Variants in PRUNE2 observed in about 807,000 individuals in gnomAD.
PRUNE2 encodes protein prune homolog 2.
PRUNE2 carries 164 observed loss-of-function variants against 252.0 expected under a neutral mutation model. That is an observed-to-expected ratio of 0.65 (90% CI 0.57 to 0.74). The LOEUF (loss-of-function observed/expected upper bound fraction) is 0.74. Ranked by LOEUF, PRUNE2 falls within the 30% of genes least tolerant of loss-of-function variation. The pLI, the probability that PRUNE2 is intolerant of heterozygous loss-of-function variation, is 0.00. For synonymous variants in PRUNE2, 1,292 were observed against 1,350.2 expected, an observed-to-expected ratio of 0.96 and a Z score of 0.94; for missense variants, 3,495 against 3,711.0, an observed-to-expected ratio of 0.94 and a Z score of 1.51.
chr9:76,754,308 G>A (rs140877034), intron 6 of PRUNE2, among the ~76,000 whole-genome samples: 1 of 152,248 alleles, frequency 6.6e-6, no homozygotes, highest in African/African-American at 2.4e-5. Context: ...ATCTATCTCT[G>A]CTGTGTTAGG....
Position 76,708,074 on chromosome 9 carries a change from A to T in PRUNE2, c.4200T>A (p.Val1400=). ...TGTAAGACCCCTCCTCATACTCTAA[A>T]ACTTCCTCTGGTTCCTCGGTTTGAG... ...FSPQTEEPEE[V]LEYEEGSYNL... Residue 1400 remains valine (V), a synonymous_variant, in exon 8 of 19, where the codon GTT becomes GTA. Coordinates refer to ENST00000376718, the MANE Select transcript of PRUNE2 (RefSeq NM_015225.3). 1 of 1,613,896 alleles carries T rather than the reference A, an allele frequency of 6.2e-7. No individual in the cohort carries two copies. The highest frequency in any genetic ancestry group is 8.5e-7 in the Non-Finnish European group (1 of 1,179,882).
intron 4 of PRUNE2, among the ~76,000 whole-genome samples, chr9:76,835,620 A>G (rs2058917754): frequency 6.6e-6 from 1 of 152,012 alleles, no homozygotes; most frequent in South Asian, 2.1e-4. Context: ...TCTTCCCCCT[A>G]CCCCTAGTAT....
intron 1 of PRUNE2, among the ~76,000 whole-genome samples, chr9:76,892,691 GAAGA>G (rs2062557176): frequency 6.6e-6 from 1 of 152,200 alleles, no homozygotes; most frequent in Non-Finnish European, 1.5e-5. Context: ...TGTGCACAAG[GAAGA>G]AAGACTGAGA....
At position 76,670,341 on chromosome 9, in the gene PRUNE2, A is replaced by T. The variant is rs568139; in HGVS notation, c.8277-14839T>A. Among the ~76,000 whole-genome samples, 12 of 151,310 alleles carry T rather than the reference A, an allele frequency of 7.9e-5. 1 individual carries two copies. The highest frequency in any genetic ancestry group is 2.7e-4 in the African/African-American group (11 of 41,256). ...TCCCACCCAAATACTGCGCTTTTCC[A>T]AAGGGCTTAAAAAACGGCACACCAC... On this transcript the variant is annotated intron_variant, in intron 9 of 18. Coordinates refer to ENST00000376718, the MANE Select transcript of PRUNE2 (RefSeq NM_015225.3).
intron 6 of PRUNE2, among the ~76,000 whole-genome samples, chr9:76,768,961 A>AAG (rs2052774208): frequency 6.6e-6 from 1 of 152,226 alleles, no homozygotes; most frequent in African/African-American, 2.4e-5. Flanking sequence ...AAGTCAAACA[A>AAG]AGATATATAA....
intron 6 of PRUNE2, among the ~76,000 whole-genome samples, chr9:76,806,540 C>T (rs1349377700): frequency 6.7e-6 from 1 of 148,274 alleles, no homozygotes; most frequent in African/African-American, 2.5e-5. Flanking sequence ...CGGAGTTTCG[C>T]CCTGTCGCCC....
At position 76,715,815 on chromosome 9, in the gene PRUNE2, T is replaced by C. The variant is rs140282701; in HGVS notation, c.757-2094A>G. Among the ~76,000 whole-genome samples, 575 of 152,296 alleles carry C rather than the reference T, an allele frequency of 3.8e-3. 6 individuals are homozygous for C. The highest frequency in any genetic ancestry group is 0.013 in the African/African-American group (557 of 41,580). On this transcript the variant is annotated intron_variant, in intron 6 of 18. Coordinates refer to ENST00000376718, the MANE Select transcript of PRUNE2 (RefSeq NM_015225.3). The stretch of plus-strand genomic sequence containing the variant: ...CAGATAAAATTATTTCAAACCATCA[T>C]TGAGGGTGAATCAAGAACCTCATTG...
At chr9:76,681,201 T>G (rs1182839291) in intron 9 of PRUNE2, among the ~76,000 whole-genome samples, 3 of 151,946 alleles carry the variant, frequency 2.0e-5, no homozygotes, top group African/African-American at 7.3e-5. Flanking sequence ...AAAAAACCAT[T>G]ACTGTATGAT....
rs944715989 is a variant in PRUNE2, at chr9:76,709,181, G to A, written c.3093C>T (p.Asp1031=). 1.9e-6 allele frequency: 3 copies of A among 1,613,908 alleles called. No individual in the cohort carries two copies. Among genetic ancestry groups the A allele is most frequent in the South Asian group, 1.1e-5 (1 of 91,070 alleles). ...NRISSGPGNL[D]MWASPHTDNS... ...TATCTGTATGAGGTGAAGCCCACAT[G>A]TCTAGGTTCCCAGGACCTGAACTGA... is the stretch of plus-strand genomic sequence containing the variant. Residue 1031 remains aspartate, a synonymous_variant, in exon 8 of 19, where the codon GAC becomes GAT. Coordinates refer to ENST00000376718, the MANE Select transcript of PRUNE2 (RefSeq NM_015225.3).
At chr9:76,774,528 G>A (rs138089862) in intron 6 of PRUNE2, among the ~76,000 whole-genome samples, 2,895 of 141,734 alleles carry the variant, frequency 0.02, 50 homozygotes, top group Middle Eastern at 0.032. Context: ...GCACGATCTC[G>A]GCTCACTGCA....
chr9:76,871,115 G>A (rs1011720140), intron 1 of PRUNE2, among the ~76,000 whole-genome samples: 1 of 152,176 alleles, frequency 6.6e-6, no homozygotes, highest in Non-Finnish European at 1.5e-5. Flanking sequence ...GATCACCAAA[G>A]CCTGTGCATT....
At chr9:76,798,935 T>C (rs2056329766) in intron 6 of PRUNE2, among the ~76,000 whole-genome samples, 1 of 152,236 alleles carries the variant, frequency 6.6e-6, no homozygotes, top group Non-Finnish European at 1.5e-5. Context: ...CACAAGTTAC[T>C]GCCCTGCCTA....
intron 13 of PRUNE2, among the ~76,000 whole-genome samples, 188 bp downstream of exon 13, chr9:76,637,998 T>C (rs573277093): frequency 1.3e-5 from 2 of 152,348 alleles, no homozygotes; most frequent in South Asian, 4.1e-4. Context: ...CAGTCTAGTC[T>C]ACCCACAAAA....
chr9:76,644,937 C>T (rs1256334799), intron 11 of PRUNE2, 28 bp from the exon 12 acceptor site: 2 of 1,602,350 alleles, frequency 1.2e-6, no homozygotes, highest in Non-Finnish European at 1.7e-6. Flanking sequence ...CAGAGCAAGG[C>T]TGAAGGAGCA....
At chr9:76,813,902 C>T (rs1042122332) in intron 6 of PRUNE2, among the ~76,000 whole-genome samples, 2 of 152,132 alleles carry the variant, frequency 1.3e-5, no homozygotes, top group Non-Finnish European at 2.9e-5. Context: ...CAGCAACCTC[C>T]GTCTCCTGGG....
intron 1 of PRUNE2, among the ~76,000 whole-genome samples, chr9:76,900,275 C>T (rs1026733677): frequency 7.2e-5 from 11 of 152,182 alleles, no homozygotes; most frequent in African/African-American, 2.4e-4. Flanking sequence ...GTAGGCATCA[C>T]TTATTCCATT....
chr9:76,743,693 T>C (rs2049856079), intron 6 of PRUNE2, among the ~76,000 whole-genome samples: 1 of 152,236 alleles, frequency 6.6e-6, no homozygotes. Context: ...TCCAGAATAA[T>C]GTGTATACTA....
At chr9:76,836,548 T>C (rs941286553) in intron 4 of PRUNE2, among the ~76,000 whole-genome samples, 4 of 152,046 alleles carry the variant, frequency 2.6e-5, no homozygotes, top group Admixed American at 1.3e-4. Flanking sequence ...TATGAGCACG[T>C]TCCCTTCTTA....
At chr9:76,741,536 A>G (rs561244933) in intron 6 of PRUNE2, among the ~76,000 whole-genome samples, 92 of 152,350 alleles carry the variant, frequency 6.0e-4, no homozygotes, top group African/African-American at 2.1e-3. Flanking sequence ...ATACAAACAA[A>G]AAGAAGAAGC....
Sources: gnomAD v4.1 joint callset for allele counts (sites outside exome capture counted in the v4.1 genomes callset) on GRCh38, gnomAD v4.1.1 for gene constraint, MANE v1.5 for transcripts, NCBI Gene and HGNC (gene_info 2026-07-23, HGNC 2026-07-21) for gene names.